Variants in HAPLN2 observed in about 807,000 individuals in gnomAD.
The protein encoded by HAPLN2 is brain link protein-1.
HAPLN2 carries 27 observed loss-of-function variants against 29.3 expected under a neutral mutation model. The ratio of observed to expected loss-of-function variants is 0.92; its 90% CI spans 0.68 to 1.27. The LOEUF (loss-of-function observed/expected upper bound fraction) is 1.27. Among genes scored for constraint, HAPLN2 ranks in the 50% most tolerant of loss-of-function variants. The pLI is 0.00. For missense variants in HAPLN2, 454 were observed against 484.3 expected (o/e 0.94, Z 0.59); for synonymous variants, 208 against 211.7 (o/e 0.98, Z 0.15).
At chr1:156,619,684 A>G (rs2102524298) in intron 1 of HAPLN2, 149 bp downstream of exon 1, 1 of 136,318 alleles carries the variant, frequency 7.3e-6, no homozygotes, top group South Asian at 2.4e-4. Flanking sequence ...ACACCTTCAT[A>G]TCCACCGATC....
At position 156,625,311 on chromosome 1, in the gene HAPLN2, C is replaced by G. The variant is rs549528369; in HGVS notation, c.950C>G (p.Pro317Arg). The change falls in exon 7 of 7, where the codon CCC becomes CGC. Residue 317 changes from proline to arginine, a missense_variant. Pro to Arg is a moderately radical substitution (Grantham distance 103). Coordinates refer to ENST00000255039, the MANE Select transcript of HAPLN2 (RefSeq NM_021817.3). The surrounding 1 kb of genome is among the most constrained non-coding windows in gnomAD (Gnocchi z 5.7). ...CCGCGCTGCGGGGGGCTCCCGGATCCCGGAGTGCGCAGTTTCGGCTTCCCC... is the reference window on the plus strand; with the variant it reads ...CCGCGCTGCGGGGGGCTCCCGGATCGCGGAGTGCGCAGTTTCGGCTTCCCC... Reference protein sequence around the residue: ...PRPRCGGLPDPGVRSFGFPRP... With the variant: ...PRPRCGGLPDRGVRSFGFPRP... The G allele has an allele frequency of 1.3e-6, 2 of 1,588,806 alleles. No homozygotes were observed. Among genetic ancestry groups the G allele is most frequent in the East Asian group, 4.6e-5 (2 of 43,234 alleles).
intron 2 of HAPLN2, among the ~76,000 whole-genome samples, chr1:156,620,555 T>C (rs947811797): frequency 1.3e-5 from 2 of 152,222 alleles, no homozygotes; most frequent in Admixed American, 6.5e-5. Flanking sequence ...AGTTCTCCTA[T>C]AAAGAAGTGG....
At chr1:156,624,921 GC>G in intron 6 of HAPLN2, 138 bp downstream of exon 6, 1 of 233,020 alleles carries the variant, frequency 4.3e-6, no homozygotes. Context: ...CCGCCCGCCC[GC>G]CCAGGCTCCA....
At chr1:156,615,588 T>C (rs956510442), upstream of HAPLN2, among the ~76,000 whole-genome samples, 2 of 148,488 alleles carry the variant, frequency 1.3e-5, no homozygotes, top group Non-Finnish European at 3.0e-5. Context: ...TTTTTTTTTT[T>C]CAGACAGAAT....
At position 156,624,795 on chromosome 1, in the gene HAPLN2, G is replaced by T; in HGVS notation, c.739+12G>T. The T allele has an allele frequency of 6.7e-7, 1 of 1,486,296 alleles. No homozygotes were observed. Among genetic ancestry groups the T allele is most frequent in the Non-Finnish European group, 8.9e-7 (1 of 1,126,030 alleles). 92.1% of individuals were successfully genotyped at this position (1,486,296 alleles called of 1,614,324 possible). Reference sequence around the variant, plus strand: ...CTCCGCGCTGGCGGGTGAGGCGCGGGACGAAGGCAGGGTCTTGGGGAGGGG... The same window carrying T: ...CTCCGCGCTGGCGGGTGAGGCGCGGTACGAAGGCAGGGTCTTGGGGAGGGG... On this transcript the variant is annotated intron_variant, in intron 6 of 6. Transcript: ENST00000255039.
Position 156,623,505 on chromosome 1 carries a change from C to T in HAPLN2, c.15C>T (p.Leu5=), listed in dbSNP as rs200487120. 11 of 1,614,012 alleles carry T rather than the reference C, an allele frequency of 6.8e-6. No homozygotes were observed. In the East Asian group the frequency reaches 2.5e-4, roughly 36 times the overall value. Residue 5 remains leucine (L), a synonymous_variant, in exon 3 of 7, where the codon CTC becomes CTT. Transcript: ENST00000255039. ...GACCCCCCATCATGCCAGGCTGGCT[C>T]ACCCTCCCCACACTCTGCCGCTTCC... MPGW[L]TLPTLCRFLL...
intron 4 of HAPLN2, 32 bp from the exon 5 acceptor site, chr1:156,624,319 T>C: frequency 6.4e-7 from 1 of 1,568,068 alleles, no homozygotes; most frequent in African/African-American, 1.4e-5. Context: ...TCCCATCCGC[T>C]GGCCCTCCCC....
chr1:156,607,914 G>A, the HAPLN2 span, among the ~76,000 whole-genome samples: 1 of 151,584 alleles, frequency 6.6e-6, no homozygotes, highest in Non-Finnish European at 1.5e-5. Flanking sequence ...TTACCTATTC[G>A]AATATTATTC....
chr1:156,607,897 G>A, the HAPLN2 span, among the ~76,000 whole-genome samples: 1 of 151,854 alleles, frequency 6.6e-6, no homozygotes, highest in African/African-American at 2.4e-5. Flanking sequence ...GCAAATACTG[G>A]CAATGCTTAC....
At chr1:156,603,975 C>T in the HAPLN2 span, among the ~76,000 whole-genome samples, 1 of 152,142 alleles carries the variant, frequency 6.6e-6, no homozygotes, top group Non-Finnish European at 1.5e-5. Flanking sequence ...ACTGAGGCTG[C>T]AGCCTGTCCC....
In HAPLN2 at chr1:156,624,148, T is replaced by A; in HGVS notation, c.427T>A (p.Leu143Met). The A allele has an allele frequency of 6.2e-7, 1 of 1,613,194 alleles. No individual in the cohort carries two copies. The highest frequency in any genetic ancestry group is 8.5e-7 in the Non-Finnish European group (1 of 1,179,734). The part of the protein sequence containing the change: ...GIEDESVALT[L>M]SLEGVVFPYQ... ...CGAGGACGAGAGCGTGGCGCTGACC[T>A]TGAGCTTGGAGGGTGAGGCCCTTCC... The change falls in exon 4 of 7, where the codon TTG becomes ATG. Residue 143 changes from leucine (L) to methionine (M), a missense_variant. By Grantham distance (15) the Leu-to-Met change is conservative (BLOSUM62 2). This residue lies in a region of HAPLN2 where 204 missense variants were observed against 209.2 expected (regional missense o/e 0.98). Transcript: ENST00000255039.
At chr1:156,611,109 C>T in the HAPLN2 span, among the ~76,000 whole-genome samples, 4 of 151,480 alleles carry the variant, frequency 2.6e-5, no homozygotes. Context: ...TGGTGAATCC[C>T]CATCTCTACA....
chr1:156,607,351 G>A, the HAPLN2 span, among the ~76,000 whole-genome samples: 8 of 152,058 alleles, frequency 5.3e-5, no homozygotes, highest in African/African-American at 1.2e-4. Flanking sequence ...ATGGTGGCAC[G>A]CACCTGTAAT....
chr1:156,623,945 C>T lies in HAPLN2; in HGVS notation c.224C>T (p.Pro75Leu). 1 of 1,608,204 alleles carries T rather than the reference C, an allele frequency of 6.2e-7. No homozygotes were observed. The highest frequency in any genetic ancestry group is 8.5e-7 in the Non-Finnish European group (1 of 1,177,290). ...AAGGTGCGCTGGAGCAAGGTGGAGCCTGGGGAGCTCCGGGAAACGCTGATC... is the reference window on the plus strand; with the variant it reads ...AAGGTGCGCTGGAGCAAGGTGGAGCTTGGGGAGCTCCGGGAAACGCTGATC... ...SYKVRWSKVEPGELRETLILI... is the reference protein window; with the variant it reads ...SYKVRWSKVELGELRETLILI... The change falls in exon 4 of 7, where the codon CCT (proline) becomes CTT (leucine). Residue 75 changes from proline (P) to leucine (L), a missense_variant. Pro to Leu is a moderately conservative substitution (Grantham distance 98, BLOSUM62 -3). Coordinates refer to ENST00000255039, the MANE Select transcript of HAPLN2 (RefSeq NM_021817.3).
At chr1:156,618,508 G>C (rs1227222407), upstream of HAPLN2, among the ~76,000 whole-genome samples, 1 of 151,798 alleles carries the variant, frequency 6.6e-6, no homozygotes, top group Non-Finnish European at 1.5e-5. Flanking sequence ...GGCCGGGCAC[G>C]GTGGCTCACG....
rs1311071047 is a variant in HAPLN2 at position 156,624,467 on chromosome 1, G to A, written c.556G>A (p.Ala186Thr). Residue 186 changes from alanine to threonine, a missense_variant and splice_region_variant, in exon 5 of 7, where the codon GCT becomes ACT. Transcript: ENST00000255039. Reference protein sequence around the residue: ...RLATYSQLYQAWTEGLDWCNA... With the variant: ...RLATYSQLYQTWTEGLDWCNA... ...GGCCACCTACTCCCAGCTCTACCAG[G>A]GTGAGCGGCCGAACCCAGCACTTCC... 1 of 1,612,656 alleles carries A rather than the reference G, an allele frequency of 6.2e-7. No individual in the cohort carries two copies. The highest frequency in any genetic ancestry group is 1.1e-5 in the South Asian group (1 of 90,782).
At chr1:156,620,453 T>C (rs1045476563) in intron 2 of HAPLN2, among the ~76,000 whole-genome samples, 6 of 152,210 alleles carry the variant, frequency 3.9e-5, no homozygotes, top group African/African-American at 1.4e-4. Context: ...TAGAGCAGTG[T>C]CAGGCACATT....
Position 156,625,606 on chromosome 1 carries a change from C to CG in HAPLN2, c.*224dup. 3 of 480,494 alleles carry CG rather than the reference C, an allele frequency of 6.2e-6. No individual in the cohort carries two copies. The highest frequency in any genetic ancestry group is 7.2e-6 in the Non-Finnish European group (2 of 278,980). The allele number at this position is 480,494 out of a possible 1,614,324, so 29.8% of individuals were successfully genotyped here. ...GGCGGCGAGATGCAGAGGTGACCCTCGGACCCGCTGCCGTTCGCGAACCCT... is the reference window on the plus strand; with the variant it reads ...GGCGGCGAGATGCAGAGGTGACCCTCGGGACCCGCTGCCGTTCGCGAACCCT... On this transcript the variant is annotated 3_prime_UTR_variant, in exon 7 of 7. Transcript: ENST00000255039. The surrounding 1 kb of genome is among the most constrained non-coding windows in gnomAD (Gnocchi z 5.7).
At chr1:156,605,446 A>G in the HAPLN2 span, among the ~76,000 whole-genome samples, 2 of 151,540 alleles carry the variant, frequency 1.3e-5, no homozygotes, top group Non-Finnish European at 2.9e-5. Context: ...AAAAAATACA[A>G]AAAATTAGCC....
Sources: allele counts gnomAD v4.1 joint callset (sites outside exome capture counted in the v4.1 genomes callset), GRCh38; gene constraint gnomAD v4.1.1; regional missense constraint gnomAD v4.1.1; non-coding constraint Gnocchi (gnomAD v3.1); transcripts MANE v1.5; gene names NCBI Gene and HGNC (gene_info 2026-07-23, HGNC 2026-07-21).